Variants in CUX1 observed in about 807,000 individuals in gnomAD.
CUX1 encodes the protein cut like homeobox 1.
CUX1 carries 31 observed loss-of-function variants against 158.8 expected under a neutral mutation model. That is an observed-to-expected ratio of 0.20 (90% CI 0.15 to 0.26). CUX1 has a LOEUF of 0.26. CUX1 is among the 10% of genes least tolerant of loss of function. CUX1 has a pLI of 1.00. For synonymous variants in CUX1, 879 were observed against 862.1 expected (o/e 1.02, Z -0.34); for missense variants, 1,589 against 2,014.6 (o/e 0.79, Z 4.04).
chr7:102,198,947 A>G (rs2132003866), intron 16 of CUX1, 80 bp downstream of exon 16: 1 of 1,308,830 alleles, frequency 7.6e-7, no homozygotes, highest in East Asian at 2.3e-5. Context: ...TTGGGTTAAA[A>G]CTGTGCAGTG....
At chr7:102,231,504 C>G (rs1406371230) in intron 21 of CUX1, among the ~76,000 whole-genome samples, 1 of 151,810 alleles carries the variant, frequency 6.6e-6, no homozygotes, top group African/African-American at 2.4e-5. Context: ...TCTGTAGCCC[C>G]AAAACAATTA....
intron 8 of CUX1, among the ~76,000 whole-genome samples, chr7:102,147,919 T>C (rs1208431280): frequency 6.6e-6 from 1 of 152,028 alleles, no homozygotes; most frequent in Non-Finnish European, 1.5e-5. Context: ...GAGGTTACAG[T>C]GAACCGAGAT....
chr7:102,269,765 G>A (rs536437848), intron 14 of CUX1, among the ~76,000 whole-genome samples: 38 of 152,092 alleles, frequency 2.5e-4, no homozygotes, highest in South Asian at 2.3e-3. Flanking sequence ...CACAACCATC[G>A]AACAAGTCTC....
rs782281594 is a variant in CUX1 at position 102,178,492 on chromosome 7, C to T, written c.852C>T (p.Thr284=). ...AGGAGCAGGCCATAGAGGTGCTGACCCGCTCCAGCCTAGAAGTTGAGTTGG... is the reference window on the plus strand; with the variant it reads ...AGGAGCAGGCCATAGAGGTGCTGACTCGCTCCAGCCTAGAAGTTGAGTTGG... ...PDVEQAIEVL[T]RSSLEVELAA... The change falls in exon 11 of 24, where the codon ACC becomes ACT. Residue 284 remains threonine, a synonymous_variant. Coordinates refer to ENST00000292535, the MANE Select transcript of CUX1 (RefSeq NM_181552.4). The T allele has an allele frequency of 2.5e-6, 4 of 1,609,184 alleles. No individual in the cohort carries two copies. Among genetic ancestry groups the T allele is most frequent in the African/African-American group, 2.7e-5 (2 of 74,852 alleles).
rs189650476 is a variant in CUX1 at position 102,153,672 on chromosome 7, T to A, written c.675-4888T>A. 3.2e-3 allele frequency: 483 copies of A among 152,394 alleles called. 3 individuals carry two copies. The highest frequency in any genetic ancestry group is 0.011 in the African/African-American group (469 of 41,566). The allele number at this position is 152,394 out of a possible 1,614,324, so 9.4% of individuals were successfully genotyped here. On this transcript the variant is annotated intron_variant, in intron 8 of 23. Transcript: ENST00000292535. ...CCTACCGTGTGTTTTTCTCCTTCAA[T>A]TCGCTTGAGAGACACGCAGCAGGGC...
intron 3 of CUX1, among the ~76,000 whole-genome samples, chr7:102,061,212 A>C (rs944922356): frequency 6.6e-6 from 1 of 152,072 alleles, no homozygotes; most frequent in African/African-American, 2.4e-5. Flanking sequence ...GGCGTGAGTC[A>C]CTGTGCCCAG....
intron 2 of CUX1, among the ~76,000 whole-genome samples, chr7:101,950,505 TCAG>T (rs1165686657): frequency 6.6e-6 from 1 of 152,198 alleles, no homozygotes; most frequent in Admixed American, 6.6e-5. Flanking sequence ...TTAGGTACAT[TCAG>T]TGTTGTGCAA....
chr7:101,899,079 T>C (rs754278042), intron 1 of CUX1, among the ~76,000 whole-genome samples: 1 of 152,250 alleles, frequency 6.6e-6, no homozygotes, highest in Non-Finnish European at 1.5e-5. Flanking sequence ...TCACCAAGGC[T>C]GCCTGGTCCA....
chr7:101,948,811 G>A (rs2129151198), intron 2 of CUX1, among the ~76,000 whole-genome samples: 1 of 152,310 alleles, frequency 6.6e-6, no homozygotes, highest in East Asian at 1.9e-4. Context: ...CTGAGCTTGG[G>A]ACTGGCTGGC....
chr7:102,190,430 C>T (rs1329977861), intron 12 of CUX1, among the ~76,000 whole-genome samples: 1 of 152,146 alleles, frequency 6.6e-6, no homozygotes, highest in East Asian at 1.9e-4. Context: ...TCACCCTGAG[C>T]CTGCTTTGGC....
At chr7:102,273,052 C>T (rs372880968) in intron 14 of CUX1, among the ~76,000 whole-genome samples, 22 of 152,236 alleles carry the variant, frequency 1.4e-4, no homozygotes, top group African/African-American at 4.6e-4. Context: ...CCCAAACAGC[C>T]GTGGGCAGAG....
chr7:102,107,636 TTC>T (rs1381655667), intron 6 of CUX1, among the ~76,000 whole-genome samples: 5 of 151,502 alleles, frequency 3.3e-5, no homozygotes, highest in African/African-American at 1.2e-4. Flanking sequence ...TTTCAGTACA[TTC>T]TCTCACTAAT....
In CUX1 at chr7:101,856,279, C is replaced by T. The variant is rs79114985; in HGVS notation, c.30+38610C>T. ...TAAAGCACAAGTTTTCAGCCATCAA[C>T]GCAGGGAGCCGTTAATCACGACCCA... On this transcript the variant is annotated intron_variant, in intron 1 of 23. Coordinates refer to ENST00000292535, the MANE Select transcript of CUX1 (RefSeq NM_181552.4). Among the ~76,000 whole-genome samples, 1,045 of 151,488 alleles carry T rather than the reference C, an allele frequency of 6.9e-3. 9 individuals carry two copies. The highest frequency in any genetic ancestry group is 0.017 in the Middle Eastern group (5 of 290).
chr7:102,150,653 GC>G (rs1410160086), intron 8 of CUX1, among the ~76,000 whole-genome samples: 1 of 152,214 alleles, frequency 6.6e-6, no homozygotes, highest in African/African-American at 2.4e-5. Flanking sequence ...CCCCCAGGAG[GC>G]TTGCGTGAAA....
intron 1 of CUX1, among the ~76,000 whole-genome samples, chr7:101,907,644 G>A (rs540377581): frequency 2.0e-5 from 3 of 152,044 alleles, no homozygotes; most frequent in African/African-American, 7.2e-5. Flanking sequence ...TCACCCACTG[G>A]CCACAAACTT....
At chr7:101,847,593 T>G (rs541048538) in intron 1 of CUX1, among the ~76,000 whole-genome samples, 2 of 152,168 alleles carry the variant, frequency 1.3e-5, no homozygotes, top group Admixed American at 1.3e-4. Context: ...CAGTGCCTGA[T>G]GTACTATTCT....
At chr7:102,244,329 T>G (rs199563343) in intron 23 of CUX1, among the ~76,000 whole-genome samples, 1 of 29,090 alleles carries the variant, frequency 3.4e-5, no homozygotes, top group South Asian at 1.4e-3. Flanking sequence ...TTTTGCCCCC[T>G]CAAAAAAAAA....
chr7:102,163,634 AGAGCTGTGG>A (rs1790698783), intron 9 of CUX1, among the ~76,000 whole-genome samples: 1 of 152,200 alleles, frequency 6.6e-6, no homozygotes, highest in South Asian at 2.1e-4. Flanking sequence ...AGAAGCCAGG[AGAGCTGTGG>A]GAGGCTATTG....
chr7:102,082,875 G>C (rs1160135454), intron 4 of CUX1, among the ~76,000 whole-genome samples: 1 of 147,430 alleles, frequency 6.8e-6, no homozygotes, highest in Non-Finnish European at 1.5e-5. Context: ...ACATTTGGTT[G>C]GTTGTGGGTA....
Sources: allele counts gnomAD v4.1 joint callset (sites outside exome capture counted in the v4.1 genomes callset), GRCh38; gene constraint gnomAD v4.1.1; transcripts MANE v1.5; gene names NCBI Gene and HGNC (gene_info 2026-07-23, HGNC 2026-07-21).